Variants in LDLRAD4 observed in about 807,000 individuals in gnomAD.
LDLRAD4 encodes low-density lipoprotein receptor class A domain-containing protein 4.
LDLRAD4 carries 5 observed loss-of-function variants against 17.0 expected under a neutral mutation model. The observed-to-expected ratio is 0.29, with a 90% CI of 0.15 to 0.62. The LOEUF is 0.62. Among genes scored for constraint, LDLRAD4 ranks in the 20% least tolerant of loss-of-function variants. LDLRAD4 has a pLI of 0.84. For missense variants in LDLRAD4, 340 were observed against 424.7 expected, an observed-to-expected ratio of 0.80 and a Z score of 1.75; for synonymous variants, 168 against 171.8, an observed-to-expected ratio of 0.98 and a Z score of 0.17.
At chr18:13,309,299 G>C (rs1394509760) in intron 1 of LDLRAD4, among the ~76,000 whole-genome samples, 1 of 152,198 alleles carries the variant, frequency 6.6e-6, no homozygotes, top group Admixed American at 6.5e-5. Flanking sequence ...TTCGCGTACT[G>C]GTAATGAACG....
intron 3 of LDLRAD4, among the ~76,000 whole-genome samples, chr18:13,589,485 C>T (rs1601579588): frequency 6.6e-6 from 1 of 152,184 alleles, no homozygotes; most frequent in African/African-American, 2.4e-5. Context: ...AGGGTTTCCG[C>T]TCCCATCACC....
intron 1 of LDLRAD4, among the ~76,000 whole-genome samples, chr18:13,319,268 G>A (rs559817949): frequency 4.6e-5 from 7 of 152,314 alleles, no homozygotes; most frequent in African/African-American, 1.4e-4. Flanking sequence ...TGGCCACGGC[G>A]GGTATGATTC....
At chr18:13,604,884 G>T (rs536098378) in intron 3 of LDLRAD4, among the ~76,000 whole-genome samples, 12 of 152,070 alleles carry the variant, frequency 7.9e-5, no homozygotes, top group Non-Finnish European at 1.5e-4. Flanking sequence ...ACATTTGGGG[G>T]CGTGCCAGCA....
intron 1 of LDLRAD4, among the ~76,000 whole-genome samples, chr18:13,348,207 C>T (rs1190283420): frequency 6.6e-6 from 1 of 152,082 alleles, no homozygotes; most frequent in Non-Finnish European, 1.5e-5. Context: ...GTGGTTTTAC[C>T]TACCTTTGGT....
chr18:13,524,680 C>T (rs547581280), intron 3 of LDLRAD4, among the ~76,000 whole-genome samples: 1 of 152,240 alleles, frequency 6.6e-6, no homozygotes, highest in South Asian at 2.1e-4. Context: ...AAAACCTGCT[C>T]ATTCCAGCAA....
At chr18:13,629,989 C>T (rs529927768) in intron 4 of LDLRAD4, among the ~76,000 whole-genome samples, 74 of 152,174 alleles carry the variant, frequency 4.9e-4, no homozygotes, top group Non-Finnish European at 9.7e-4. Context: ...AGGATGATGC[C>T]TGCCTGGATC....
chr18:13,435,731 G>A (rs887260969), intron 2 of LDLRAD4, among the ~76,000 whole-genome samples: 1 of 152,206 alleles, frequency 6.6e-6, no homozygotes, highest in Admixed American at 6.5e-5. Flanking sequence ...GTAGGTATGA[G>A]TCACTGTACC....
intron 3 of LDLRAD4, among the ~76,000 whole-genome samples, chr18:13,610,929 T>C (rs2039492105): frequency 6.6e-6 from 1 of 152,172 alleles, no homozygotes; most frequent in Non-Finnish European, 1.5e-5. Context: ...AATCATACCA[T>C]CCGGATTTCC....
At chr18:13,497,561 G>A (rs2093497428) in intron 3 of LDLRAD4, among the ~76,000 whole-genome samples, 1 of 151,972 alleles carries the variant, frequency 6.6e-6, no homozygotes, top group African/African-American at 2.4e-5. Context: ...TTTTTAAAAG[G>A]CTGACTACTG....
intron 2 of LDLRAD4, chr18:13,420,102 A>G (rs1471205174): frequency 6.6e-6 from 1 of 152,242 alleles, no homozygotes; most frequent in Admixed American, 6.5e-5. Context: ...AGCCTAGCAG[A>G]GCACAGAATG....
intron 1 of LDLRAD4, among the ~76,000 whole-genome samples, chr18:13,344,953 G>C (rs2082596195): frequency 6.6e-6 from 1 of 152,194 alleles, no homozygotes; most frequent in Non-Finnish European, 1.5e-5. Context: ...CTTTGCTGCA[G>C]TTGCTTATCA....
intron 3 of LDLRAD4, among the ~76,000 whole-genome samples, chr18:13,580,879 A>T (rs1169070761): frequency 6.6e-6 from 1 of 152,238 alleles, no homozygotes; most frequent in Non-Finnish European, 1.5e-5. Context: ...TGCCCTTTTA[A>T]AAATAACCTC....
intron 1 of LDLRAD4, among the ~76,000 whole-genome samples, chr18:13,339,533 A>C (rs1230052015): frequency 6.6e-6 from 1 of 152,206 alleles, no homozygotes; most frequent in Non-Finnish European, 1.5e-5. Context: ...TCCTTTTCAT[A>C]TGTAAAGACA....
intron 1 of LDLRAD4, among the ~76,000 whole-genome samples, chr18:13,229,965 G>A (rs2041991413): frequency 6.6e-6 from 1 of 152,208 alleles, no homozygotes; most frequent in Admixed American, 6.5e-5. Context: ...GAGGCCAAAT[G>A]CTGTTGTGTG....
intron 2 of LDLRAD4, among the ~76,000 whole-genome samples, chr18:13,397,293 G>A (rs755249412): frequency 2.0e-5 from 3 of 152,096 alleles, no homozygotes; most frequent in Admixed American, 1.3e-4. Flanking sequence ...ACAGGCACCC[G>A]CCACCACACC....
chr18:13,236,773 C>G (rs2042360916), intron 1 of LDLRAD4, among the ~76,000 whole-genome samples: 1 of 152,160 alleles, frequency 6.6e-6, no homozygotes, highest in Non-Finnish European at 1.5e-5. Flanking sequence ...GTCGGACTTT[C>G]AGATCACAGT....
chr18:13,358,106 C>A lies in LDLRAD4; in HGVS notation c.-382-29235C>A, dbSNP rs138765686. ...CACTCATCTTGTATATTTTTTGCAC[C>A]AGACCTGGAATCAGCCATTTGTTTC... On this transcript the variant is annotated intron_variant, in intron 1 of 5. Coordinates refer to ENST00000359446, the Ensembl canonical transcript of LDLRAD4. Among the ~76,000 whole-genome samples the A allele has an allele frequency of 4.5e-4, 69 of 152,096 alleles. 2 individuals are homozygous for A. The East Asian group carries it at 0.012, about 26-fold the overall frequency.
At chr18:13,524,088 T>C (rs1252919821) in intron 3 of LDLRAD4, among the ~76,000 whole-genome samples, 3 of 152,230 alleles carry the variant, frequency 2.0e-5, no homozygotes, top group Non-Finnish European at 4.4e-5. Context: ...AAGGCATCTT[T>C]AGCTGTCAGC....
chr18:13,561,593 C>T (rs543975536), intron 3 of LDLRAD4: 1 of 152,274 alleles, frequency 6.6e-6, no homozygotes, highest in African/African-American at 2.4e-5. Context: ...GGAGTGGTGT[C>T]CTGATTATCG....
Sources: gnomAD v4.1 joint callset for allele counts (sites outside exome capture counted in the v4.1 genomes callset) on GRCh38, gnomAD v4.1.1 for gene constraint, MANE v1.5 for transcripts, NCBI Gene and HGNC (gene_info 2026-07-23, HGNC 2026-07-21) for gene names.